Variants in USP20 observed in about 807,000 individuals in gnomAD.
The protein encoded by USP20 is ubiquitin specific peptidase 20, also known as ubiquitin carboxyl-terminal hydrolase 20.
USP20 carries 80 observed loss-of-function variants against 124.2 expected under a neutral mutation model. The observed-to-expected ratio is 0.64, with a 90% confidence interval of 0.54 to 0.78. The LOEUF (loss-of-function observed/expected upper bound fraction) is 0.78. USP20 is among the 30% of genes least tolerant of loss of function. The pLI is 0.00. For missense variants in USP20, 1,043 were observed against 1,244.4 expected, an observed-to-expected ratio of 0.84 and a Z score of 2.44; for synonymous variants, 481 against 512.3, an observed-to-expected ratio of 0.94 and a Z score of 0.83.
At chr9:129,876,367 G>A (rs559502245) in intron 22 of USP20, 129 bp downstream of exon 22, 6 of 729,800 alleles carry the variant, frequency 8.2e-6, no homozygotes, top group Non-Finnish European at 1.4e-5. Context: ...GGCTGGGCAT[G>A]GTGGCTCACA....
intron 9 of USP20, among the ~76,000 whole-genome samples, chr9:129,864,322 G>A (rs563884379): frequency 5.9e-4 from 89 of 151,376 alleles, no homozygotes; most frequent in Non-Finnish European, 1.2e-3. Flanking sequence ...TACAAAATTA[G>A]CTGAGTGTGG....
At chr9:129,872,898 C>G (rs796734335) in intron 15 of USP20, among the ~76,000 whole-genome samples, 5 of 151,972 alleles carry the variant, frequency 3.3e-5, no homozygotes. Context: ...ACTTCCCACC[C>G]CACCTCCATT....
chr9:129,850,797 A>G (rs1484728239), intron 2 of USP20, among the ~76,000 whole-genome samples: 1 of 152,040 alleles, frequency 6.6e-6, no homozygotes, highest in Non-Finnish European at 1.5e-5. Context: ...CTGGGATTAT[A>G]GGCTTGTGCA....
At chr9:129,873,794 A>G (rs2034253693) in intron 17 of USP20, 50 bp downstream of exon 17, 1 of 1,595,570 alleles carries the variant, frequency 6.3e-7, no homozygotes, top group African/African-American at 1.3e-5. Context: ...CGGGATGCAC[A>G]CCAGCACACA....
rs970983911 is a variant in USP20 at position 129,868,723 on chromosome 9, A to G, written c.1136-139A>G. ...CTGCTCCGGCCTGTGTGCTGGGGCCAGGAGTGGGCACATGACAGAGGAGAC... is the reference window on the plus strand; with the variant it reads ...CTGCTCCGGCCTGTGTGCTGGGGCCGGGAGTGGGCACATGACAGAGGAGAC... On this transcript the variant is annotated intron_variant, in intron 11 of 25. Transcript: ENST00000372429. 2.0e-5 allele frequency: 28 copies of G among 1,409,788 alleles called. No homozygotes were observed. The Admixed American group carries it at 7.1e-4, about 36-fold the overall frequency. The allele number at this position is 1,409,788 out of a possible 1,614,324, so 87.3% of individuals were successfully genotyped here. A position where few individuals can be genotyped will look rare whatever the true frequency, so the allele number is the denominator to read the frequency against.
chr9:129,867,872 G>A, intron 10 of USP20, 133 bp from the exon 11 acceptor site: 3 of 1,100,918 alleles, frequency 2.7e-6, no homozygotes, highest in East Asian at 5.2e-5. Context: ...CTGTGGGGGT[G>A]AGCAACTCTT....
chr9:129,874,642 G>C lies in USP20; in HGVS notation c.1807G>C (p.Val603Leu), dbSNP rs1424438236. 1 of 1,613,882 alleles carries C rather than the reference G, an allele frequency of 6.2e-7. No homozygotes were observed. Among genetic ancestry groups the C allele is most frequent in the Non-Finnish European group, 8.5e-7 (1 of 1,180,020 alleles). The part of the protein sequence containing the change: ...VMYSFKINSH[V>L]SFPLEGLDLR... ...GTACTCATTCAAGATCAACAGCCACGTCTCCTTCCCCCTCGAGGGGCTCGA... is the reference window on the plus strand; with the variant it reads ...GTACTCATTCAAGATCAACAGCCACCTCTCCTTCCCCCTCGAGGGGCTCGA... Residue 603 changes from valine (V) to leucine (L), a missense_variant, in exon 18 of 26, where the codon GTC (valine) becomes CTC (leucine). Physicochemically the swap from Val to Leu is conservative, Grantham distance 32. Transcript: ENST00000372429.
At chr9:129,873,836 G>A (rs770361554) in intron 17 of USP20, 92 bp downstream of exon 17, 73 of 1,480,884 alleles carry the variant, frequency 4.9e-5, no homozygotes, top group Admixed American at 3.5e-4. Context: ...TCCACTGCTC[G>A]GGCACTTCTG....
chr9:129,873,121 A>G (rs905531), intron 15 of USP20, among the ~76,000 whole-genome samples: 116,602 of 136,110 alleles, frequency 0.86, 50,513 homozygotes, highest in East Asian at 1. Context: ...TTACTCTGTC[A>G]CCCAGGCTGG....
intron 1 of USP20, among the ~76,000 whole-genome samples, chr9:129,842,765 T>C (rs1214119017): frequency 1.3e-5 from 2 of 151,984 alleles, no homozygotes; most frequent in Non-Finnish European, 2.9e-5. Context: ...GGCTAATTTT[T>C]TGTATTTTTA....
At chr9:129,837,378 T>C (rs1474050594) in intron 1 of USP20, among the ~76,000 whole-genome samples, 1 of 152,220 alleles carries the variant, frequency 6.6e-6, no homozygotes, top group Non-Finnish European at 1.5e-5. Flanking sequence ...AGCTCCTTTC[T>C]GGAGCCAGAT....
intron 1 of USP20, among the ~76,000 whole-genome samples, chr9:129,848,552 C>G (rs1254573722): frequency 6.6e-6 from 1 of 151,788 alleles, no homozygotes; most frequent in African/African-American, 2.4e-5. Flanking sequence ...ACTCAGGAGG[C>G]TGAGGCAGGA....
chr9:129,849,106 TG>T (rs1334502066), intron 1 of USP20, among the ~76,000 whole-genome samples: 2 of 152,176 alleles, frequency 1.3e-5, no homozygotes, highest in Non-Finnish European at 2.9e-5. Context: ...GTGGCATGTG[TG>T]GAAGGGGCCA....
intron 1 of USP20, among the ~76,000 whole-genome samples, chr9:129,848,219 C>G (rs2032697346): frequency 1.3e-5 from 2 of 152,006 alleles, no homozygotes; most frequent in Admixed American, 6.5e-5. Context: ...TTGCTTGAAC[C>G]CGGGAGGCGG....
At chr9:129,861,062 A>ATGGGC (rs1564207587) in intron 7 of USP20, 29 bp downstream of exon 7, 5 of 1,606,582 alleles carry the variant, frequency 3.1e-6, no homozygotes, top group Non-Finnish European at 8.5e-7. Context: ...GGGGAAGCTG[A>ATGGGC]TGGGCTGGGC....
chr9:129,873,080 CTTT>C (rs59712662), intron 15 of USP20, among the ~76,000 whole-genome samples: 1 of 78,366 alleles, frequency 1.3e-5, no homozygotes, highest in Non-Finnish European at 2.3e-5. Flanking sequence ...TTTTCTTCTT[CTTT>C]TTTTTTTTTT....
In USP20 at chr9:129,868,909, C is replaced by T. The variant is rs781017371; in HGVS notation, c.1183C>T (p.Pro395Ser). ...HLRSSSRPCS[P>S]VHHHEGHAKL... ...ACGCAGCTCCTCTCGCCCCTGCAGCCCCGTCCACCACCACGAGGGCCATGC... is the reference window on the plus strand; with the variant it reads ...ACGCAGCTCCTCTCGCCCCTGCAGCTCCGTCCACCACCACGAGGGCCATGC... Residue 395 changes from proline to serine, a missense_variant, in exon 12 of 26, where the codon CCC becomes TCC. Pro to Ser is a moderately conservative substitution (Grantham distance 74). Transcript: ENST00000372429. 34 of 1,610,874 alleles carry T rather than the reference C, an allele frequency of 2.1e-5. 1 individual carries two copies. In the South Asian group the frequency reaches 2.5e-4, roughly 12 times the overall value.
At chr9:129,845,948 A>AG (rs199981022) in intron 1 of USP20, among the ~76,000 whole-genome samples, 1,807 of 151,412 alleles carry the variant, frequency 0.012, 17 homozygotes, top group Middle Eastern at 0.024. Context: ...TTTTTGAGAC[A>AG]GAGTCTCGCT....
chr9:129,860,797 C>T, intron 6 of USP20, 140 bp from the exon 7 acceptor site: 2 of 794,324 alleles, frequency 2.5e-6, no homozygotes, highest in Admixed American at 4.6e-5. Context: ...TTTCACAGTA[C>T]CTTCTGCTCA....
Sources: gnomAD v4.1 joint callset for allele counts (sites outside exome capture counted in the v4.1 genomes callset) on GRCh38, gnomAD v4.1.1 for gene constraint, MANE v1.5 for transcripts, NCBI Gene and HGNC (gene_info 2026-07-23, HGNC 2026-07-21) for gene names.